The following MME variants were observed in gnomAD, a reference collection of about 807,000 sequenced individuals.
MME encodes the protein membrane metalloendopeptidase.
MME carries 98 observed loss-of-function variants against 113.2 expected under a neutral mutation model. The observed-to-expected ratio is 0.87, with a 90% confidence interval of 0.74 to 1.02. The LOEUF is 1.02. Among genes scored for constraint, MME ranks in the 50% least tolerant of loss-of-function variants. The probability of loss-of-function intolerance (pLI) is 0.00; values close to 1 mark genes in which losing one functional copy is unlikely to be tolerated. For missense variants in MME, 836 were observed against 896.0 expected (o/e 0.93, Z 0.86); for synonymous variants, 292 against 300.6 (o/e 0.97, Z 0.30).
chr3:155,170,155 C>G (rs1055887689), intron 20 of MME, among the ~76,000 whole-genome samples: 1 of 152,192 alleles, frequency 6.6e-6, no homozygotes, highest in Non-Finnish European at 1.5e-5. Context: ...AAGCAATTCT[C>G]CTGCCTCAGC....
intron 1 of MME, chr3:155,081,645 A>G (rs1277638517): frequency 1.5e-5 from 2 of 136,162 alleles, no homozygotes; most frequent in East Asian, 4.2e-4. Flanking sequence ...TCTTTTGTTT[A>G]CTTGTCCCCC....
intron 1 of MME, among the ~76,000 whole-genome samples, chr3:155,071,336 A>G (rs1559899575): frequency 1.3e-5 from 2 of 152,220 alleles, no homozygotes. Context: ...GCCCGACCGT[A>G]TCAGCACATG....
chr3:155,164,304 G>C (rs1722933765), intron 17 of MME, among the ~76,000 whole-genome samples: 3 of 152,068 alleles, frequency 2.0e-5, no homozygotes, highest in Non-Finnish European at 4.4e-5. Context: ...GGGGGAAGAG[G>C]AGACATGGTC....
chr3:155,066,271 G>C (rs1260148187), intron 1 of MME, among the ~76,000 whole-genome samples: 11 of 152,164 alleles, frequency 7.2e-5, no homozygotes, highest in Admixed American at 7.2e-4. Context: ...AGACTATACA[G>C]TAAAAGGAAA....
intron 8 of MME, among the ~76,000 whole-genome samples, chr3:155,136,012 A>C (rs1576629551): frequency 6.6e-6 from 1 of 152,260 alleles, no homozygotes; most frequent in East Asian, 1.9e-4. Flanking sequence ...ATTTTTGTGA[A>C]GTTGTTTATG....
chr3:155,025,659 A>G (rs1448529547), intron 1 of MME, among the ~76,000 whole-genome samples: 1 of 148,168 alleles, frequency 6.7e-6, no homozygotes, highest in Non-Finnish European at 1.5e-5. Flanking sequence ...GTAGATACCA[A>G]GTGGTATCAG....
At chr3:155,048,857 G>A (rs1713654735) in intron 1 of MME, among the ~76,000 whole-genome samples, 1 of 151,900 alleles carries the variant, frequency 6.6e-6, no homozygotes, top group Non-Finnish European at 1.5e-5. Flanking sequence ...TAGAATTATT[G>A]TTTGCTTTCC....
chr3:155,076,214 A>C (rs1013691785), upstream of MME, among the ~76,000 whole-genome samples: 4 of 152,248 alleles, frequency 2.6e-5, no homozygotes, highest in Non-Finnish European at 5.9e-5. Flanking sequence ...ATTCTTACAG[A>C]AAGTTTTTGT....
chr3:155,060,620 C>G (rs1714101242), intron 1 of MME, among the ~76,000 whole-genome samples: 1 of 152,042 alleles, frequency 6.6e-6, no homozygotes, highest in Non-Finnish European at 1.5e-5. Flanking sequence ...GGGAGGGTGT[C>G]TCACTTTAGG....
At chr3:155,052,721 T>A (rs1713803036) in intron 1 of MME, among the ~76,000 whole-genome samples, 1 of 152,198 alleles carries the variant, frequency 6.6e-6, no homozygotes, top group African/African-American at 2.4e-5. Context: ...CTTTGGCATG[T>A]CGTGGAGACA....
intron 10 of MME, 52 bp downstream of exon 10, chr3:155,140,344 A>T: frequency 9.2e-7 from 1 of 1,086,224 alleles, no homozygotes; most frequent in African/African-American, 1.6e-5. Flanking sequence ...CTAAATTATA[A>T]CATTGAAATA....
At chr3:155,090,334 G>A (rs532504951) in intron 3 of MME, 3 of 152,122 alleles carry the variant, frequency 2.0e-5, no homozygotes, top group African/African-American at 7.3e-5. Context: ...AATGCACAGC[G>A]GTCCCCTTCT....
At chr3:155,137,131 G>A (rs950465836) in intron 8 of MME, among the ~76,000 whole-genome samples, 20 of 152,174 alleles carry the variant, frequency 1.3e-4, no homozygotes. Flanking sequence ...TAAGATGTAT[G>A]TGAAGATAAA....
chr3:155,048,627 C>A (rs1161483498), intron 1 of MME, among the ~76,000 whole-genome samples: 1 of 152,018 alleles, frequency 6.6e-6, no homozygotes, highest in Admixed American at 6.6e-5. Flanking sequence ...CGTTTTTTTA[C>A]ACCTGGATCC....
At chr3:155,029,518 G>A (rs995456433) in intron 1 of MME, among the ~76,000 whole-genome samples, 15 of 150,364 alleles carry the variant, frequency 1.0e-4, no homozygotes, top group South Asian at 2.1e-4. Flanking sequence ...TATTTTTCCC[G>A]TATCTAGTAT....
chr3:155,131,484 A>C (rs1012081106), intron 8 of MME, among the ~76,000 whole-genome samples: 3 of 152,212 alleles, frequency 2.0e-5, no homozygotes, highest in Admixed American at 1.3e-4. Flanking sequence ...TCTGTGTTTA[A>C]GAAAACAAAA....
chr3:155,172,045 G>C (rs529051902), intron 20 of MME, 72 bp from the exon 21 acceptor site: 2 of 886,250 alleles, frequency 2.3e-6, no homozygotes, highest in East Asian at 2.6e-5. Context: ...TTGGTGGCAT[G>C]ATCTTTTACA....
At chr3:155,149,428 T>G (rs915616118) in intron 16 of MME, among the ~76,000 whole-genome samples, 2 of 151,928 alleles carry the variant, frequency 1.3e-5, no homozygotes, top group African/African-American at 4.8e-5. Context: ...AGTGAGCAAG[T>G]GAAAAATAAA....
rs58476391 is a variant in MME, at chr3:155,106,671, G to T, written c.197-8323G>T. 7.8e-3 allele frequency among the ~76,000 whole-genome samples: 1,185 copies of T among 152,278 alleles called. 18 individuals are homozygous for T. The highest frequency in any genetic ancestry group is 0.027 in the African/African-American group (1,129 of 41,554). ...TGAATTGTGGTTGGGGGGATGGTGG[G>T]AGGAGGGTGGCAGCAAGGGAATAGG... On this transcript the variant is annotated intron_variant, in intron 3 of 22. Coordinates refer to ENST00000360490, the MANE Select transcript of MME (RefSeq NM_007289.4).
Sources: gnomAD v4.1 joint callset for allele counts (sites outside exome capture counted in the v4.1 genomes callset) on GRCh38, gnomAD v4.1.1 for gene constraint, MANE v1.5 for transcripts, NCBI Gene and HGNC (gene_info 2026-07-23, HGNC 2026-07-21) for gene names.